Variants in NOS1 observed in about 807,000 individuals in gnomAD.
NOS1 encodes nitric oxide synthase 1.
In NOS1, 51 loss-of-function variants were observed where a neutral mutation model predicts 164.5. That is an observed-to-expected ratio of 0.31 (90% confidence interval 0.25 to 0.39). The LOEUF is 0.39. Ranked by LOEUF, NOS1 falls within the 10% of genes least tolerant of loss-of-function variation. The pLI, the probability that NOS1 is intolerant of heterozygous loss-of-function variation, is 1.00. For missense variants in NOS1, 1,362 were observed against 1,885.6 expected (o/e 0.72, Z 5.14); for synonymous variants, 719 against 745.8 (o/e 0.96, Z 0.59).
At chr12:117,251,260 T>C (rs1391183782) in intron 17 of NOS1, among the ~76,000 whole-genome samples, 2 of 152,142 alleles carry the variant, frequency 1.3e-5, no homozygotes, top group East Asian at 3.9e-4. Context: ...AGAAATAAAT[T>C]TCTGTTGTTT....
rs149692672 is a variant in NOS1 at position 117,220,983 on chromosome 12, G to A, written c.3976-714C>T. Among the ~76,000 whole-genome samples, 294 of 151,898 alleles carry A rather than the reference G, an allele frequency of 1.9e-3. 2 individuals carry two copies. Among genetic ancestry groups the A allele is most frequent in the African/African-American group, 6.5e-3 (269 of 41,398 alleles). ...CCACCCTAGTAGTCAGACACTGCCC[G>A]GACTCTCTGAGTGCCCCCCCAACCT... On this transcript the variant is annotated intron_variant, in intron 26 of 28. Transcript: ENST00000317775.
At chr12:117,267,757 G>C (rs771624725) in intron 11 of NOS1, among the ~76,000 whole-genome samples, 6 of 152,124 alleles carry the variant, frequency 3.9e-5, no homozygotes, top group Non-Finnish European at 8.8e-5. Context: ...GAGATGACAA[G>C]ACAGAGAGGA....
chr12:117,316,224 G>A (rs1433256228), intron 2 of NOS1, among the ~76,000 whole-genome samples: 2 of 152,044 alleles, frequency 1.3e-5, no homozygotes, highest in Admixed American at 1.3e-4. Context: ...GCTCCAACCA[G>A]GGGGCATCTT....
intron 1 of NOS1, among the ~76,000 whole-genome samples, chr12:117,350,460 A>G (rs143751537): frequency 6.6e-6 from 1 of 152,324 alleles, no homozygotes; most frequent in Non-Finnish European, 1.5e-5. Flanking sequence ...CTAAGTTGCA[A>G]TGCCCTGGAA....
intron 5 of NOS1, among the ~76,000 whole-genome samples, chr12:117,286,635 T>C (rs1171589000): frequency 6.6e-6 from 1 of 152,184 alleles, no homozygotes; most frequent in African/African-American, 2.4e-5. Flanking sequence ...GGAACTCTTA[T>C]AATTTTTAAA....
intron 22 of NOS1, among the ~76,000 whole-genome samples, chr12:117,229,113 T>C (rs1868964411): frequency 6.6e-6 from 1 of 152,208 alleles, no homozygotes. Context: ...GATGGCATCC[T>C]TGACATTGTG....
intron 16 of NOS1, among the ~76,000 whole-genome samples, chr12:117,257,729 C>A (rs576471663): frequency 1.3e-5 from 2 of 149,878 alleles, no homozygotes; most frequent in South Asian, 2.1e-4. Flanking sequence ...GTGTGCACTA[C>A]CATGCCTGAC....
chr12:117,256,127 G>A, intron 16 of NOS1: 1 of 625,148 alleles, frequency 1.6e-6, no homozygotes, highest in Non-Finnish European at 2.6e-6. Flanking sequence ...GGGGTGGGAA[G>A]GAGAGAGGTA....
intron 2 of NOS1, among the ~76,000 whole-genome samples, chr12:117,318,352 T>C: frequency 6.6e-6 from 1 of 152,194 alleles, no homozygotes; most frequent in East Asian, 1.9e-4. Context: ...GCAAGGTTCC[T>C]TCTGGGTTAG....
Position 117,282,653 on chromosome 12 carries a change from C to A in NOS1, c.1383-1787G>T, listed in dbSNP as rs371764709. On this transcript the variant is annotated intron_variant, in intron 7 of 28. Coordinates refer to ENST00000317775, the MANE Select transcript of NOS1 (RefSeq NM_000620.5). ...GCTGAGGGTGAGTCTAGAATCCAGG[C>A]TGGAGGCCAAAATCACATAGAGGCA... Among the ~76,000 whole-genome samples the A allele has an allele frequency of 7.1e-4, 108 of 152,296 alleles. 1 individual carries two copies. The highest frequency in any genetic ancestry group is 2.4e-3 in the African/African-American group (98 of 41,560).
At chr12:117,231,611 T>C (rs189924128) in intron 22 of NOS1, among the ~76,000 whole-genome samples, 6 of 152,272 alleles carry the variant, frequency 3.9e-5, no homozygotes, top group Non-Finnish European at 2.9e-5. Flanking sequence ...AAAAACCTTA[T>C]CTTTAAACCA....
rs1272263445 is a variant in NOS1, at chr12:117,260,469, G to C, written c.2363C>G (p.Ala788Gly). Residue 788 changes from alanine (A) to glycine (G), a missense_variant, in exon 14 of 29, where the codon GCC becomes GGC. By Grantham distance (60) the Ala-to-Gly change is moderately conservative. This residue lies in a region of NOS1 where 737 missense variants were observed against 1,030.3 expected (regional missense o/e 0.72). Transcript: ENST00000317775. ...LCEIFKHAFD[A>G]KVMSMEEYDI... The stretch of plus-strand genomic sequence containing the variant: ...CTAGGGCTACCCCCCACCTACCTTG[G>C]CATCAAAGGCGTGTTTGAAGATCTC... The C allele has an allele frequency of 6.2e-7, 1 of 1,613,256 alleles. No individual in the cohort carries two copies. The highest frequency in any genetic ancestry group is 1.7e-5 in the Admixed American group (1 of 59,988).
intron 12 of NOS1, 26 bp from the exon 13 acceptor site, chr12:117,264,000 GTCAC>G: frequency 6.3e-7 from 1 of 1,589,364 alleles, no homozygotes; most frequent in Non-Finnish European, 8.6e-7. Flanking sequence ...GAGGGCTATG[GTCAC>G]TCACTGCAGT....
intron 3 of NOS1, chr12:117,304,974 T>C: frequency 1.0e-6 from 1 of 980,106 alleles, no homozygotes; most frequent in Non-Finnish European, 1.2e-6. Flanking sequence ...CCTGCTTCAA[T>C]TGCATTCTAT....
chr12:117,220,661 G>T (rs1248870646), intron 26 of NOS1, among the ~76,000 whole-genome samples: 1 of 152,144 alleles, frequency 6.6e-6, no homozygotes, highest in Admixed American at 6.5e-5. Flanking sequence ...TGTGCAGCTG[G>T]TTATTGCAGG....
At chr12:117,224,567 G>C (rs529539923) in intron 25 of NOS1, among the ~76,000 whole-genome samples, 1 of 152,364 alleles carries the variant, frequency 6.6e-6, no homozygotes, top group Non-Finnish European at 1.5e-5. Flanking sequence ...TTACAGGCGT[G>C]AGCCACCGCG....
At chr12:117,216,001 C>T (rs550946090) in intron 28 of NOS1, among the ~76,000 whole-genome samples, 6 of 150,334 alleles carry the variant, frequency 4.0e-5, no homozygotes, top group Admixed American at 1.3e-4. Context: ...TCTCAGCCTC[C>T]TGAGTAGCTG....
At position 117,331,372 on chromosome 12, in the gene NOS1, G is replaced by T; in HGVS notation, c.-303C>A. 2.5e-6 allele frequency: 1 copy of T among 402,896 alleles called. No homozygotes were observed. Among genetic ancestry groups the T allele is most frequent in the Non-Finnish European group, 4.5e-6 (1 of 220,068 alleles). 25.0% of individuals were successfully genotyped at this position (402,896 alleles called of 1,614,324 possible). On this transcript the variant is annotated 5_prime_UTR_variant, in exon 2 of 29. Transcript: ENST00000317775. ...ACGTGTCCCTAAGGTCAGGCAGAAA[G>T]GGGAGGAGATGCGTCTGATGGCTGT...
chr12:117,262,067 C>T (rs1871950336), intron 13 of NOS1, among the ~76,000 whole-genome samples: 2 of 152,024 alleles, frequency 1.3e-5, no homozygotes, highest in Admixed American at 6.6e-5. Flanking sequence ...GGATTATCGG[C>T]GTTAAGTTCA....
Sources: allele counts gnomAD v4.1 joint callset (sites outside exome capture counted in the v4.1 genomes callset), GRCh38; gene constraint gnomAD v4.1.1; regional missense constraint gnomAD v4.1.1; transcripts MANE v1.5; gene names NCBI Gene and HGNC (gene_info 2026-07-23, HGNC 2026-07-21).